The following ATP6V0D1 variants were observed in gnomAD, a reference collection of about 807,000 sequenced individuals.
ATP6V0D1 encodes the protein ATPase H+ transporting V0 subunit d1, also known as V-type proton ATPase subunit d 1.
A neutral mutation model predicts 39.0 loss-of-function variants in ATP6V0D1; 13 were observed. The ratio of observed to expected loss-of-function variants is 0.33; its 90% CI spans 0.22 to 0.53. The LOEUF (loss-of-function observed/expected upper bound fraction) is 0.53, where lower values mean the gene tolerates loss of function less well. ATP6V0D1 is among the 20% of genes least tolerant of loss of function. The pLI is 0.94. For synonymous variants in ATP6V0D1, 191 were observed against 191.2 expected, an observed-to-expected ratio of 1.00 and a Z score of 0.01; for missense variants, 272 against 470.9, an observed-to-expected ratio of 0.58 and a Z score of 3.91.
chr16:67,449,854 C>A (rs1464877084), intron 2 of ATP6V0D1, among the ~76,000 whole-genome samples: 2 of 152,264 alleles, frequency 1.3e-5, no homozygotes, highest in African/African-American at 2.4e-5. Flanking sequence ...GAAGGCTGGC[C>A]AGGACCTACG....
intron 1 of ATP6V0D1, among the ~76,000 whole-genome samples, chr16:67,469,308 A>T (rs1567541964): frequency 6.6e-6 from 1 of 152,108 alleles, no homozygotes; most frequent in Admixed American, 6.6e-5. Flanking sequence ...ACTCCTTCTC[A>T]AAATAAATAA....
chr16:67,449,964 G>C (rs2041159649), intron 2 of ATP6V0D1, among the ~76,000 whole-genome samples: 1 of 152,140 alleles, frequency 6.6e-6, no homozygotes, highest in South Asian at 2.1e-4. Flanking sequence ...AGCCAGCCTG[G>C]GGCAGCTCCA....
chr16:67,463,262 G>A (rs1230152540), intron 1 of ATP6V0D1, among the ~76,000 whole-genome samples: 1 of 152,184 alleles, frequency 6.6e-6, no homozygotes, highest in Non-Finnish European at 1.5e-5. Context: ...TGGGCGTGGT[G>A]GCTCATGCCT....
intron 5 of ATP6V0D1, 55 bp downstream of exon 5, chr16:67,439,219 T>G: frequency 6.2e-7 from 1 of 1,613,784 alleles, no homozygotes; most frequent in Admixed American, 1.7e-5. Context: ...TGGCAGAGCC[T>G]CCCCAGGCCA....
intron 1 of ATP6V0D1, among the ~76,000 whole-genome samples, chr16:67,469,036 G>A (rs1288766515): frequency 2.6e-5 from 4 of 152,172 alleles, no homozygotes; most frequent in South Asian, 2.1e-4. Context: ...AAGGCCAGGC[G>A]CGGTGGCTCA....
intron 1 of ATP6V0D1, among the ~76,000 whole-genome samples, chr16:67,460,459 C>T (rs1278050917): frequency 6.6e-6 from 1 of 152,110 alleles, no homozygotes; most frequent in African/African-American, 2.4e-5. Flanking sequence ...GTCAGAGCAC[C>T]ACATCTGGAA....
In ATP6V0D1 at chr16:67,467,185, C is replaced by T. The variant is rs115498750; in HGVS notation, c.131-13470G>A. Among the ~76,000 whole-genome samples the T allele has an allele frequency of 6.8e-4, 104 of 152,310 alleles. 1 individual carries two copies. Among genetic ancestry groups the T allele is most frequent in the African/African-American group, 2.4e-3 (101 of 41,572 alleles). ...ACTTGGCTTTTCCTCCCCCACACCC[C>T]CAAAGCCTAGTACTCAGCCAGTGCC... On this transcript the variant is annotated intron_variant, in intron 1 of 7. Coordinates refer to ENST00000290949, the MANE Select transcript of ATP6V0D1 (RefSeq NM_004691.5).
At chr16:67,463,178 A>T (rs186501859) in intron 1 of ATP6V0D1, among the ~76,000 whole-genome samples, 1 of 152,284 alleles carries the variant, frequency 6.6e-6, no homozygotes, top group African/African-American at 2.4e-5. Context: ...ATCAAACCTC[A>T]TCTGGGGCTG....
intron 1 of ATP6V0D1, among the ~76,000 whole-genome samples, chr16:67,479,953 ACTTTGGG>A (rs2041451948): frequency 1.8e-5 from 2 of 108,612 alleles, no homozygotes; most frequent in African/African-American, 1.1e-4. Context: ...TAATCCCAGC[ACTTTGGG>A]AGGCCGAGGC....
intron 1 of ATP6V0D1, among the ~76,000 whole-genome samples, chr16:67,472,508 G>A (rs989308298): frequency 6.6e-6 from 1 of 152,192 alleles, no homozygotes; most frequent in Non-Finnish European, 1.5e-5. Context: ...TGCTGTCCAA[G>A]TTGTGGTCAT....
chr16:67,459,498 G>A (rs995275562), intron 1 of ATP6V0D1, among the ~76,000 whole-genome samples: 1 of 152,222 alleles, frequency 6.6e-6, no homozygotes, highest in African/African-American at 2.4e-5. Context: ...CTGAGCCCCA[G>A]CTGGCACCCC....
chr16:67,478,062 C>T (rs561907091), intron 1 of ATP6V0D1, among the ~76,000 whole-genome samples: 145 of 152,294 alleles, frequency 9.5e-4, no homozygotes, highest in African/African-American at 3.3e-3. Context: ...TTACCTAGCG[C>T]TTATTCTGTC....
At chr16:67,452,344 CAGCCTCTG>C in intron 2 of ATP6V0D1, 1 of 1,535,724 alleles carries the variant, frequency 6.5e-7, no homozygotes, top group Non-Finnish European at 8.7e-7. Context: ...TCAGGTGTCC[CAGCCTCTG>C]ACTCCTGCCT....
At chr16:67,460,273 T>C (rs918480504) in intron 1 of ATP6V0D1, among the ~76,000 whole-genome samples, 7 of 152,182 alleles carry the variant, frequency 4.6e-5, no homozygotes, top group Non-Finnish European at 7.3e-5. Flanking sequence ...CTCAGACAGA[T>C]GGACCAATGT....
At position 67,439,078 on chromosome 16, in the gene ATP6V0D1, G is replaced by T; in HGVS notation, c.709C>A (p.Arg237Ser). The T allele has an allele frequency of 6.2e-7, 1 of 1,614,216 alleles. No homozygotes were observed. Among genetic ancestry groups the T allele is most frequent in the Non-Finnish European group, 8.5e-7 (1 of 1,180,044 alleles). The change falls in exon 6 of 8, where the codon CGT becomes AGT. Residue 237 changes from arginine to serine, a missense_variant. By Grantham distance (110) the Arg-to-Ser change is moderately radical. Around this residue, in one of 4 missense-constraint regions of ATP6V0D1, gnomAD observed 135 missense variants for 273.8 expected, o/e 0.49. Coordinates refer to ENST00000290949, the MANE Select transcript of ATP6V0D1 (RefSeq NM_004691.5). ...CCACAGTGTGGAAAGAGCTTGGCAC[G>T]GTCCTCTTTGGACAGCTCTGTGCCG... ...SFGTELSKED[R>S]AKLFPHCGRL...
chr16:67,472,192 C>T (rs953790442), intron 1 of ATP6V0D1, among the ~76,000 whole-genome samples: 4 of 152,138 alleles, frequency 2.6e-5, no homozygotes, highest in African/African-American at 4.8e-5. Flanking sequence ...CCAGTTCATC[C>T]GCCACTGAGC....
intron 1 of ATP6V0D1, among the ~76,000 whole-genome samples, chr16:67,471,349 C>T (rs553649313): frequency 6.6e-6 from 1 of 151,918 alleles, no homozygotes; most frequent in Admixed American, 6.6e-5. Flanking sequence ...CCACCACGCC[C>T]GGCTAATTTT....
chr16:67,444,436 C>G lies in ATP6V0D1; in HGVS notation c.481+92G>C. 1.4e-6 allele frequency: 2 copies of G among 1,405,174 alleles called. No homozygotes were observed. Among genetic ancestry groups the G allele is most frequent in the Non-Finnish European group, 1.9e-6 (2 of 1,046,106 alleles). 87.0% of individuals were successfully genotyped at this position (1,405,174 alleles called of 1,614,324 possible). A position where few individuals can be genotyped will look rare whatever the true frequency, so the allele number is the denominator to read the frequency against. ...AGTGGGCAGGTCTCACTTTCTGGCT[C>G]AGGGTCGCCCCCCAGCGGGTCCACA... On this transcript the variant is annotated intron_variant, in intron 3 of 7. Transcript: ENST00000290949. The surrounding 1 kb of genome is among the most constrained non-coding windows in gnomAD (Gnocchi z 4.8).
At chr16:67,448,107 T>TC (rs2041137997) in intron 2 of ATP6V0D1, among the ~76,000 whole-genome samples, 1 of 152,110 alleles carries the variant, frequency 6.6e-6, no homozygotes, top group Non-Finnish European at 1.5e-5. Flanking sequence ...TCCCAGCACT[T>TC]TGGGAGGCAG....
Sources: allele counts gnomAD v4.1 joint callset (sites outside exome capture counted in the v4.1 genomes callset), GRCh38; gene constraint gnomAD v4.1.1; regional missense constraint gnomAD v4.1.1; non-coding constraint Gnocchi (gnomAD v3.1); transcripts MANE v1.5; gene names NCBI Gene and HGNC (gene_info 2026-07-23, HGNC 2026-07-21).